CBX6: variants seen among roughly 807,000 people sequenced by gnomAD.
CBX6 encodes chromobox 6, also known as chromobox protein homolog 6.
In CBX6, 7 loss-of-function variants were observed where a neutral mutation model predicts 28.4. The ratio of observed to expected loss-of-function variants is 0.25; its 90% CI spans 0.14 to 0.46. CBX6 has a LOEUF of 0.46. CBX6 is among the 20% of genes least tolerant of loss of function. CBX6 has a pLI of 0.99. For synonymous variants in CBX6, 297 were observed against 273.4 expected, an observed-to-expected ratio of 1.09 and a Z score of -0.85; for missense variants, 512 against 606.1, an observed-to-expected ratio of 0.84 and a Z score of 1.63.
rs573627239 is a variant in CBX6 at position 38,864,414 on chromosome 22, G to T, written c.*1795C>A. Reference sequence around the variant, plus strand: ...GGCACCCAGGTGGTCACTCACCTGGGGGAGGGGGTCAGGGGGAAATCACCT... The same window carrying T: ...GGCACCCAGGTGGTCACTCACCTGGTGGAGGGGGTCAGGGGGAAATCACCT... On this transcript the variant is annotated 3_prime_UTR_variant, in exon 5 of 5. Coordinates refer to ENST00000407418, the MANE Select transcript of CBX6 (RefSeq NM_014292.5). 6.6e-6 allele frequency: 1 copy of T among 151,212 alleles called. No homozygotes were observed. The highest frequency in any genetic ancestry group is 2.5e-5 in the African/African-American group (1 of 40,096). The allele number at this position is 151,212 out of a possible 1,614,324, so 9.4% of individuals were successfully genotyped here.
Position 38,866,364 on chromosome 22 carries a change from T to A in CBX6, c.1084A>T (p.Met362Leu), listed in dbSNP as rs769501947. The A allele has an allele frequency of 1.7e-5, 27 of 1,613,566 alleles. No individual in the cohort carries two copies. The highest frequency in any genetic ancestry group is 2.3e-5 in the Non-Finnish European group (27 of 1,179,968). Reference protein sequence around the residue: ...EPEAGDWRPEMSPCSNVVVTD... With the variant: ...EPEAGDWRPELSPCSNVVVTD... ...ACGACCACATTGGAGCAGGGTGACATCTCGGGGCGCCAGTCCCCAGCCTCG... is the reference window on the plus strand; with the variant it reads ...ACGACCACATTGGAGCAGGGTGACAACTCGGGGCGCCAGTCCCCAGCCTCG... Residue 362 changes from methionine (M) to leucine (L), a missense_variant, in exon 5 of 5, where the codon ATG (methionine) becomes TTG (leucine). Around this residue, in one of 7 missense-constraint regions of CBX6, gnomAD observed 290 missense variants for 274.1 expected, o/e 1.06. Coordinates refer to ENST00000407418, the MANE Select transcript of CBX6 (RefSeq NM_014292.5). The surrounding 1 kb of genome is among the most constrained non-coding windows in gnomAD (Gnocchi z 7.5).
In CBX6 at chr22:38,866,142, G is replaced by C; in HGVS notation, c.*67C>G. 8.8e-7 allele frequency: 1 copy of C among 1,130,550 alleles called. No homozygotes were observed. The highest frequency in any genetic ancestry group is 1.3e-6 in the Non-Finnish European group (1 of 790,110). The allele number at this position is 1,130,550 out of a possible 1,614,324, so 70.0% of individuals were successfully genotyped here. A position where few individuals can be genotyped will look rare whatever the true frequency, so the allele number is the denominator to read the frequency against. Reference sequence around the variant, plus strand: ...GAGAGAGGGCTGGGGGCAAGGGTGGGGTGGGAGCAAGAGTATGACTTCGGG... The same window carrying C: ...GAGAGAGGGCTGGGGGCAAGGGTGGCGTGGGAGCAAGAGTATGACTTCGGG... On this transcript the variant is annotated 3_prime_UTR_variant, in exon 5 of 5. Transcript: ENST00000407418. This position sits in a 1 kb window ranked among gnomAD's most constrained non-coding sequence, Gnocchi z 7.5.
At position 38,871,754 on chromosome 22, in the gene CBX6, G is replaced by A; in HGVS notation, c.117C>T (p.Tyr39=). ...LVKWKGWAIK[Y]STWEPEENIL... is the part of the protein sequence containing the mutation. ...TGTTCTCCTCGGGCTCCCAAGTGCTGTACCTGCCGAGTCACAAACGCACAA... is the reference window on the plus strand; with the variant it reads ...TGTTCTCCTCGGGCTCCCAAGTGCTATACCTGCCGAGTCACAAACGCACAA... The change falls in exon 3 of 5, where the codon TAC becomes TAT. Residue 39 remains tyrosine, a synonymous_variant. Coordinates refer to ENST00000407418, the MANE Select transcript of CBX6 (RefSeq NM_014292.5). This position sits in a 1 kb window ranked among gnomAD's most constrained non-coding sequence, Gnocchi z 5.6. 6.2e-7 allele frequency: 1 copy of A among 1,608,498 alleles called. No homozygotes were observed. The highest frequency in any genetic ancestry group is 8.5e-7 in the Non-Finnish European group (1 of 1,177,012).
In CBX6 at chr22:38,865,443, G is replaced by A. The variant is rs141243834; in HGVS notation, c.*766C>T. Reference sequence around the variant, plus strand: ...GCACCCAATGCATGTATGAACCCACGGACAAACACAGCGAGTGGGGCAGAC... The same window carrying A: ...GCACCCAATGCATGTATGAACCCACAGACAAACACAGCGAGTGGGGCAGAC... On this transcript the variant is annotated 3_prime_UTR_variant, in exon 5 of 5. Coordinates refer to ENST00000407418, the MANE Select transcript of CBX6 (RefSeq NM_014292.5). The A allele has an allele frequency of 6.0e-3, 921 of 152,884 alleles. 13 individuals carry two copies. The highest frequency in any genetic ancestry group is 0.021 in the African/African-American group (887 of 41,586). 9.5% of individuals were successfully genotyped at this position (152,884 alleles called of 1,614,324 possible).
At position 38,871,239 on chromosome 22, in the gene CBX6, C is replaced by A; in HGVS notation, c.246+241G>T. 3.4e-6 allele frequency: 2 copies of A among 591,598 alleles called. No homozygotes were observed. 36.6% of individuals were successfully genotyped at this position (591,598 alleles called of 1,614,324 possible). ...GGAGCCCTAAAGGCATCCCCAGCCC[C>A]TGGTTTCAACAGGGAGGATTATCCC... On this transcript the variant is annotated intron_variant, in intron 4 of 4. Transcript: ENST00000407418. This position sits in a 1 kb window ranked among gnomAD's most constrained non-coding sequence, Gnocchi z 5.6.
In CBX6 at chr22:38,871,121, C is replaced by T. The variant is rs763703644; in HGVS notation, c.246+359G>A. ...GAGGTGGGACCCCACTCACTCTCCC[C>T]CTGGGTTCCAACTCCCAGCACAGTC... is the stretch of plus-strand genomic sequence containing the variant. On this transcript the variant is annotated intron_variant, in intron 4 of 4. Coordinates refer to ENST00000407418, the MANE Select transcript of CBX6 (RefSeq NM_014292.5). The surrounding 1 kb of genome is among the most constrained non-coding windows in gnomAD (Gnocchi z 5.6). 4 of 272,130 alleles carry T rather than the reference C, an allele frequency of 1.5e-5. No homozygotes were observed. The highest frequency in any genetic ancestry group is 1.0e-4 in the Admixed American group (2 of 19,932). The allele number at this position is 272,130 out of a possible 1,614,324, so 16.9% of individuals were successfully genotyped here.
chr22:38,869,574 A>C (rs1262956334), intron 4 of CBX6: 2 of 152,150 alleles, frequency 1.3e-5, no homozygotes, highest in Admixed American at 1.3e-4. Context: ...TATTTTTTAA[A>C]GGGTTTACCC....
At chr22:38,869,121 C>A (rs2093176805) in intron 4 of CBX6, among the ~76,000 whole-genome samples, 1 of 152,246 alleles carries the variant, frequency 6.6e-6, no homozygotes, top group Non-Finnish European at 1.5e-5. Flanking sequence ...CCTTCCCACA[C>A]AAAGGCAGGG....
chr22:38,865,977 G>T lies in CBX6; in HGVS notation c.*232C>A. ...AGGGCTTTCCAGAAACCACCCAGTG[G>T]GCTACCATGCATGGGCAGGGGGTGT... On this transcript the variant is annotated 3_prime_UTR_variant, in exon 5 of 5. Coordinates refer to ENST00000407418, the MANE Select transcript of CBX6 (RefSeq NM_014292.5). 1 of 568,986 alleles carries T rather than the reference G, an allele frequency of 1.8e-6. No homozygotes were observed. The allele number at this position is 568,986 out of a possible 1,614,324, so 35.2% of individuals were successfully genotyped here.
rs3042739 is a variant in CBX6, at chr22:38,862,518, C to CAAAAAAAAAAAAAAAAAAAAA, written c.*3670_*3690dup. 47 of 27,428 alleles carry CAAAAAAAAAAAAAAAAAAAAA rather than the reference C, an allele frequency of 1.7e-3. No homozygotes were observed. Among genetic ancestry groups the CAAAAAAAAAAAAAAAAAAAAA allele is most frequent in the East Asian group, 2.5e-3 (2 of 814 alleles). 1.7% of individuals were successfully genotyped at this position (27,428 alleles called of 1,614,324 possible). A position where few individuals can be genotyped will look rare whatever the true frequency, so the allele number is the denominator to read the frequency against. ...TCCACTGTCCTGTGTGGGCGAAGTGCAAAAAAAAAAAAAAAAAAAAAAAAA... is the reference window on the plus strand; with the variant it reads ...TCCACTGTCCTGTGTGGGCGAAGTGCAAAAAAAAAAAAAAAAAAAAAAAAAAAAAAAAAAAAAAAAAAAAAA... On this transcript the variant is annotated 3_prime_UTR_variant, in exon 5 of 5. Coordinates refer to ENST00000407418, the MANE Select transcript of CBX6 (RefSeq NM_014292.5).
At position 38,862,701 on chromosome 22, in the gene CBX6, G is replaced by T. The variant is rs903363371; in HGVS notation, c.*3508C>A. On this transcript the variant is annotated 3_prime_UTR_variant, in exon 5 of 5. Coordinates refer to ENST00000407418, the MANE Select transcript of CBX6 (RefSeq NM_014292.5). ...GCAGTCCAGCCCCCTGGCCAACCCA[G>T]CTCCCTGTTGGGGCTGACCCTCCAG... 6.6e-6 allele frequency: 1 copy of T among 152,294 alleles called. No individual in the cohort carries two copies. Among genetic ancestry groups the T allele is most frequent in the African/African-American group, 2.4e-5 (1 of 41,464 alleles). 9.4% of individuals were successfully genotyped at this position (152,294 alleles called of 1,614,324 possible). A position where few individuals can be genotyped will look rare whatever the true frequency, so the allele number is the denominator to read the frequency against.
rs745324903 is a variant in CBX6 at position 38,866,175 on chromosome 22, GC to G, written c.*33del. On this transcript the variant is annotated 3_prime_UTR_variant, in exon 5 of 5. Coordinates refer to ENST00000407418, the MANE Select transcript of CBX6 (RefSeq NM_014292.5). This position sits in a 1 kb window ranked among gnomAD's most constrained non-coding sequence, Gnocchi z 7.5. ...CAAGAGTATGACTTCGGGCAGGAGG[GC>G]CCCCCCAAGCCCCCCTCCTTGGTGG... is the stretch of plus-strand genomic sequence containing the variant. 2.7e-5 allele frequency: 40 copies of G among 1,459,842 alleles called. No homozygotes were observed. The highest frequency in any genetic ancestry group is 3.7e-5 in the South Asian group (3 of 81,266). The allele number at this position is 1,459,842 out of a possible 1,614,324, so 90.4% of individuals were successfully genotyped here.
rs777860074 is a variant in CBX6, at chr22:38,866,738, G to A, written c.710C>T (p.Pro237Leu). 6.2e-7 allele frequency: 1 copy of A among 1,605,566 alleles called. No homozygotes were observed. Among genetic ancestry groups the A allele is most frequent in the Non-Finnish European group, 8.5e-7 (1 of 1,176,196 alleles). Residue 237 changes from proline to leucine, a missense_variant, in exon 5 of 5, where the codon CCT becomes CTT. By Grantham distance (98) the Pro-to-Leu change is moderately conservative (BLOSUM62 -3). This residue lies in a region of CBX6 where 290 missense variants were observed against 274.1 expected (regional missense o/e 1.06). Coordinates refer to ENST00000407418, the MANE Select transcript of CBX6 (RefSeq NM_014292.5). The surrounding 1 kb of genome is among the most constrained non-coding windows in gnomAD (Gnocchi z 7.5). ...MKFGAFALYK[P>L]PPAPLVAPSP... is the part of the protein sequence containing the mutation. The stretch of plus-strand genomic sequence containing the variant: ...CGGGGCTACCAGGGGGGCGGGCGGA[G>A]GCTTGTACAGCGCAAAGGCGCCGAA...
In CBX6 at chr22:38,864,188, C is replaced by T. The variant is rs2093164018; in HGVS notation, c.*2021G>A. The stretch of plus-strand genomic sequence containing the variant: ...AAATAGCTCTTTCTCCCCCGCCACC[C>T]CCCCATAGGAATCCCACAATATTTT... On this transcript the variant is annotated 3_prime_UTR_variant, in exon 5 of 5. Transcript: ENST00000407418. 1 of 152,118 alleles carries T rather than the reference C, an allele frequency of 6.6e-6. No homozygotes were observed. The highest frequency in any genetic ancestry group is 1.5e-5 in the Non-Finnish European group (1 of 68,000). The allele number at this position is 152,118 out of a possible 1,614,324, so 9.4% of individuals were successfully genotyped here. A position where few individuals can be genotyped will look rare whatever the true frequency, so the allele number is the denominator to read the frequency against.
chr22:38,864,589 C>T lies in CBX6; in HGVS notation c.*1620G>A, dbSNP rs972651810. On this transcript the variant is annotated 3_prime_UTR_variant, in exon 5 of 5. Coordinates refer to ENST00000407418, the MANE Select transcript of CBX6 (RefSeq NM_014292.5). Reference sequence around the variant, plus strand: ...CCCTGCGAGGGTCCCCGTTCTACATCCCGGGGAGGGGAGGGCTAGGGCCAC... The same window carrying T: ...CCCTGCGAGGGTCCCCGTTCTACATTCCGGGGAGGGGAGGGCTAGGGCCAC... 2 of 152,612 alleles carry T rather than the reference C, an allele frequency of 1.3e-5. No homozygotes were observed. The highest frequency in any genetic ancestry group is 2.9e-5 in the Non-Finnish European group (2 of 68,108). 9.5% of individuals were successfully genotyped at this position (152,612 alleles called of 1,614,324 possible). A position where few individuals can be genotyped will look rare whatever the true frequency, so the allele number is the denominator to read the frequency against.
At position 38,865,924 on chromosome 22, in the gene CBX6, T is replaced by C. The variant is rs2093168286; in HGVS notation, c.*285A>G. 2.2e-6 allele frequency: 1 copy of C among 457,256 alleles called. No homozygotes were observed. The highest frequency in any genetic ancestry group is 2.0e-5 in the African/African-American group (1 of 50,562). 28.3% of individuals were successfully genotyped at this position (457,256 alleles called of 1,614,324 possible). On this transcript the variant is annotated 3_prime_UTR_variant, in exon 5 of 5. Coordinates refer to ENST00000407418, the MANE Select transcript of CBX6 (RefSeq NM_014292.5). ...GCAAGCTAGAGAGACAGGTGGGATG[T>C]GGAAGGGGCAGAGGAACCCTAGTTT...
rs2093168200 is a variant in CBX6, at chr22:38,865,887, GGA to G, written c.*320_*321del. On this transcript the variant is annotated 3_prime_UTR_variant, in exon 5 of 5. Coordinates refer to ENST00000407418, the MANE Select transcript of CBX6 (RefSeq NM_014292.5). ...GCACCGAGAAATCAGACGCCGCACA[GGA>G]GAGCAGGAAGCAAGCTAGAGAGACA... 2 of 356,634 alleles carry G rather than the reference GGA, an allele frequency of 5.6e-6. No homozygotes were observed. The highest frequency in any genetic ancestry group is 9.6e-5 in the East Asian group (2 of 20,790). 22.1% of individuals were successfully genotyped at this position (356,634 alleles called of 1,614,324 possible).
At chr22:38,868,129 T>C (rs907734368) in intron 4 of CBX6, among the ~76,000 whole-genome samples, 2 of 152,224 alleles carry the variant, frequency 1.3e-5, no homozygotes, top group Admixed American at 6.5e-5. Context: ...CGTTGTCAGA[T>C]GCCACTAAAT....
chr22:38,866,458 A>T lies in CBX6; in HGVS notation c.990T>A (p.Pro330=). ...ESAATSKRAP[P]EVTAAAGPAP... Reference sequence around the variant, plus strand: ...CCGGGCCGGCAGCAGCTGTGACCTCAGGCGGTGCCCGCTTGCTGGTGGCTG... The same window carrying T: ...CCGGGCCGGCAGCAGCTGTGACCTCTGGCGGTGCCCGCTTGCTGGTGGCTG... Residue 330 remains proline, a synonymous_variant, in exon 5 of 5, where the codon CCT becomes CCA. Coordinates refer to ENST00000407418, the MANE Select transcript of CBX6 (RefSeq NM_014292.5). The surrounding 1 kb of genome is among the most constrained non-coding windows in gnomAD (Gnocchi z 7.5). 6.2e-7 allele frequency: 1 copy of T among 1,606,456 alleles called. No individual in the cohort carries two copies.
Sources: gnomAD v4.1 joint callset for allele counts (sites outside exome capture counted in the v4.1 genomes callset) on GRCh38, gnomAD v4.1.1 for gene constraint, gnomAD v4.1.1 regional missense constraint, Gnocchi (gnomAD v3.1) non-coding constraint, MANE v1.5 for transcripts, NCBI Gene and HGNC (gene_info 2026-07-23, HGNC 2026-07-21) for gene names.